RNF6: variants seen among roughly 807,000 people sequenced by gnomAD.
The protein encoded by RNF6 is ring finger protein 6, also known as E3 ubiquitin-protein ligase RNF6.
In RNF6, 21 loss-of-function variants were observed where a neutral mutation model predicts 50.1. The observed-to-expected ratio is 0.42, with a 90% CI of 0.30 to 0.60. The LOEUF (loss-of-function observed/expected upper bound fraction) is 0.60. RNF6 is among the 20% of genes least tolerant of loss of function. The probability of loss-of-function intolerance (pLI) is 0.20; values close to 1 mark genes in which losing one functional copy is unlikely to be tolerated. For missense variants in RNF6, 698 were observed against 838.2 expected (o/e 0.83, Z 2.07); for synonymous variants, 255 against 291.8 (o/e 0.87, Z 1.29).
intron 5 of RNF6, among the ~76,000 whole-genome samples, chr13:26,176,986 C>T (rs894907272): frequency 5.9e-5 from 9 of 152,086 alleles, no homozygotes; most frequent in African/African-American, 1.7e-4. Context: ...AAGACAGAGA[C>T]ACAAAGTGGA....
At chr13:26,209,781 TG>T (rs1210693550), downstream of RNF6, among the ~76,000 whole-genome samples, 5 of 145,238 alleles carry the variant, frequency 3.4e-5, no homozygotes, top group Admixed American at 3.6e-4. Flanking sequence ...TGTGAGAAGA[TG>T]TGAGATATAT....
intron 5 of RNF6, among the ~76,000 whole-genome samples, chr13:26,158,724 G>GGT (rs138094219): frequency 2.6e-4 from 40 of 151,480 alleles, no homozygotes; most frequent in African/African-American, 8.0e-4. Context: ...TCTGTGTGTG[G>GGT]GTGTGTGTGT....
intron 5 of RNF6, among the ~76,000 whole-genome samples, chr13:26,155,072 G>C (rs769267222): frequency 2.6e-5 from 4 of 151,132 alleles, no homozygotes; most frequent in Non-Finnish European, 5.9e-5. Flanking sequence ...ATCAACCTCT[G>C]TCTTATAGTT....
intron 5 of RNF6, among the ~76,000 whole-genome samples, chr13:26,159,302 T>G (rs1341950496): frequency 1.3e-5 from 2 of 152,156 alleles, no homozygotes; most frequent in East Asian, 3.8e-4. Context: ...ATAGGATTAT[T>G]TGGTATATCA....
chr13:26,204,068 T>A (rs970485285), intron 5 of RNF6, among the ~76,000 whole-genome samples: 6 of 152,136 alleles, frequency 3.9e-5, no homozygotes, highest in African/African-American at 1.4e-4. Flanking sequence ...AGCCTGGAGG[T>A]TCTCCTCACC....
At chr13:26,204,369 C>T (rs1448893106) in intron 5 of RNF6, among the ~76,000 whole-genome samples, 1 of 151,250 alleles carries the variant, frequency 6.6e-6, no homozygotes, top group South Asian at 2.1e-4. Flanking sequence ...TGGTGGCGGG[C>T]GCCTGTAATC....
chr13:26,214,031 C>G lies in RNF6; in HGVS notation c.1851G>C (p.Arg617Ser). The G allele has an allele frequency of 6.2e-7, 1 of 1,614,098 alleles. No homozygotes were observed. The highest frequency in any genetic ancestry group is 8.5e-7 in the Non-Finnish European group (1 of 1,180,018). Reference sequence around the variant, plus strand: ...TATCAATACTGTTATGCTCATAGTGCCTGGTGGAAAGATTGTCAATCTGCT... The same window carrying G: ...TATCAATACTGTTATGCTCATAGTGGCTGGTGGAAAGATTGTCAATCTGCT... ...TKEQIDNLST[R>S]HYEHNSIDSE... is the part of the protein sequence containing the mutation. The change falls in exon 5 of 5, where the codon AGG (arginine) becomes AGC (serine). Residue 617 changes from arginine to serine, a missense_variant. Transcript: ENST00000381588.
intron 5 of RNF6, among the ~76,000 whole-genome samples, chr13:26,206,520 A>G (rs1258533482): frequency 1.3e-5 from 2 of 152,180 alleles, no homozygotes; most frequent in African/African-American, 4.8e-5. Flanking sequence ...TTTTGGCTGC[A>G]CTTGAATAGT....
chr13:26,202,176 C>T (rs1868923709), intron 5 of RNF6, among the ~76,000 whole-genome samples: 1 of 152,234 alleles, frequency 6.6e-6, no homozygotes, highest in South Asian at 2.1e-4. Context: ...TGATCCATCT[C>T]TCTATTTCTG....
chr13:26,218,676 A>G (rs1870153093), intron 3 of RNF6, 70 bp from the exon 4 acceptor site: 1 of 1,165,552 alleles, frequency 8.6e-7, no homozygotes, highest in South Asian at 1.2e-5. Context: ...GAAGGGTAAG[A>G]CTAATCTTTA....
downstream of RNF6, among the ~76,000 whole-genome samples, chr13:26,212,530 T>C (rs1035494558): frequency 3.3e-5 from 5 of 152,042 alleles, no homozygotes; most frequent in Non-Finnish European, 5.9e-5. Context: ...GCCCAAACAG[T>C]ATCACCACAA....
chr13:26,133,501 T>G (rs899270170), intron 5 of RNF6, among the ~76,000 whole-genome samples: 1 of 152,226 alleles, frequency 6.6e-6, no homozygotes, highest in African/African-American at 2.4e-5. Flanking sequence ...TGAAACCTGA[T>G]CACGTTTGTC....
intron 5 of RNF6, among the ~76,000 whole-genome samples, chr13:26,139,960 A>G (rs1870849525): frequency 6.6e-6 from 1 of 152,090 alleles, no homozygotes. Flanking sequence ...AGTACCTGGG[A>G]TTACAGGCAT....
chr13:26,214,609 C>A lies in RNF6; in HGVS notation c.1273G>T (p.Val425Leu), dbSNP rs1438602406. 6.2e-7 allele frequency: 1 copy of A among 1,614,206 alleles called. No homozygotes were observed. Among genetic ancestry groups the A allele is most frequent in the Non-Finnish European group, 8.5e-7 (1 of 1,180,042 alleles). Residue 425 changes from valine (V) to leucine (L), a missense_variant, in exon 5 of 5, where the codon GTA (valine) becomes TTA (leucine). Val to Leu is a conservative substitution (Grantham distance 32, BLOSUM62 1). Transcript: ENST00000381588. The part of the protein sequence containing the change: ...DSIANRTRSR[V>L]GLAENTVTIE... ...GTGACTGTATTTTCTGCTAGCCCTACTCTGGATCGAGTTCTATTTGCAATA... is the reference window on the plus strand; with the variant it reads ...GTGACTGTATTTTCTGCTAGCCCTAATCTGGATCGAGTTCTATTTGCAATA...
At chr13:26,200,271 A>G (rs1274850020) in intron 5 of RNF6, among the ~76,000 whole-genome samples, 1 of 152,230 alleles carries the variant, frequency 6.6e-6, no homozygotes, top group Non-Finnish European at 1.5e-5. Flanking sequence ...GCTAAAATCA[A>G]AAAGCCTGAC....
intron 5 of RNF6, among the ~76,000 whole-genome samples, chr13:26,177,786 C>T (rs904156432): frequency 6.6e-6 from 1 of 152,236 alleles, no homozygotes; most frequent in Admixed American, 6.5e-5. Flanking sequence ...CACTAGCTTG[C>T]ATTTCTCAGC....
chr13:26,165,788 T>C (rs1373663936), intron 5 of RNF6, among the ~76,000 whole-genome samples: 2 of 152,252 alleles, frequency 1.3e-5, no homozygotes, highest in Non-Finnish European at 2.9e-5. Flanking sequence ...CCAATGCCTA[T>C]ACTCCCATTG....
At chr13:26,208,904 C>T (rs561895228), downstream of RNF6, among the ~76,000 whole-genome samples, 70 of 152,298 alleles carry the variant, frequency 4.6e-4, 1 homozygote, top group Admixed American at 7.2e-4. Flanking sequence ...CAGAGGCAAA[C>T]TCTATGTGGC....
intron 5 of RNF6, among the ~76,000 whole-genome samples, chr13:26,169,302 A>G (rs145633870): frequency 0.015 from 2,245 of 152,060 alleles, 31 homozygotes; most frequent in Non-Finnish European, 0.025. Context: ...AAAAGGAGAG[A>G]GTGTATGGGA....
Sources: allele counts gnomAD v4.1 joint callset (sites outside exome capture counted in the v4.1 genomes callset), GRCh38; gene constraint gnomAD v4.1.1; transcripts MANE v1.5; gene names NCBI Gene and HGNC (gene_info 2026-07-23, HGNC 2026-07-21).